TET2: variants seen among roughly 807,000 people sequenced by gnomAD.
TET2 encodes the protein methylcytosine dioxygenase TET2.
Under a neutral mutation model 142.9 loss-of-function variants are expected in TET2, and 299 were observed. The observed-to-expected ratio is 2.09, with a 90% CI of 1.90 to 2.30. The LOEUF is 2.30. Among genes scored for constraint, TET2 ranks in the 30% most tolerant of loss-of-function variants. TET2 has a pLI of 0.00. For synonymous variants in TET2, 819 were observed against 849.0 expected, an observed-to-expected ratio of 0.96 and a Z score of 0.61; for missense variants, 2,418 against 2,378.0, an observed-to-expected ratio of 1.02 and a Z score of -0.35.
intron 2 of TET2, among the ~76,000 whole-genome samples, chr4:105,222,176 C>G (rs539648330): frequency 2.6e-5 from 4 of 152,196 alleles, no homozygotes; most frequent in African/African-American, 9.6e-5. Flanking sequence ...AATAAACATA[C>G]GTGTGCATGT....
chr4:105,226,611 C>G (rs562935734), intron 2 of TET2, among the ~76,000 whole-genome samples: 6 of 151,148 alleles, frequency 4.0e-5, no homozygotes, highest in African/African-American at 9.7e-5. Flanking sequence ...CCCTCCCTCT[C>G]TCCTTCCCTC....
rs939113468 is a variant in TET2, at chr4:105,274,974, T to C, written c.4538-74T>C. ...GGAGTTTCTTACCTACATTTAAGTA[T>C]CCTCACTAGCCTTCATAAAATAATC... On this transcript the variant is annotated intron_variant, in intron 10 of 10. Transcript: ENST00000380013. The C allele has an allele frequency of 4.8e-5, 70 of 1,448,328 alleles. No homozygotes were observed. In the African/African-American group the frequency reaches 9.5e-4, roughly 20 times the overall value. 89.7% of individuals were successfully genotyped at this position (1,448,328 alleles called of 1,614,324 possible). A position where few individuals can be genotyped will look rare whatever the true frequency, so the allele number is the denominator to read the frequency against.
At chr4:105,190,572 C>A in intron 2 of TET2, 67 bp downstream of exon 2, 1 of 680,450 alleles carries the variant, frequency 1.5e-6, no homozygotes. Flanking sequence ...TAATGGTAAT[C>A]TCTCTCCCAA....
chr4:105,256,588 G>A (rs993894484), intron 6 of TET2, among the ~76,000 whole-genome samples: 1 of 152,118 alleles, frequency 6.6e-6, no homozygotes. Flanking sequence ...TTGGGTTTAT[G>A]TTACATGGAG....
At chr4:105,240,229 AAC>A in intron 3 of TET2, 1 of 455,204 alleles carries the variant, frequency 2.2e-6, no homozygotes, top group Non-Finnish European at 3.2e-6. Flanking sequence ...AGACATACTT[AAC>A]ACGTGGGATT....
intron 4 of TET2, 163 bp downstream of exon 4, chr4:105,241,592 CAG>C: frequency 2.9e-6 from 4 of 1,366,634 alleles, no homozygotes; most frequent in Non-Finnish European, 3.8e-6. Context: ...TGCTATTCAC[CAG>C]AGAGTCACAA....
chr4:105,215,397 G>A (rs1297873187), intron 2 of TET2, among the ~76,000 whole-genome samples: 1 of 152,056 alleles, frequency 6.6e-6, no homozygotes, highest in Non-Finnish European at 1.5e-5. Context: ...ATCAGTGAAA[G>A]AGCTTTTTAA....
intron 9 of TET2, among the ~76,000 whole-genome samples, chr4:105,271,444 A>C (rs184905898): frequency 6.7e-6 from 1 of 149,150 alleles, no homozygotes; most frequent in African/African-American, 2.4e-5. Context: ...GTTTAGAATC[A>C]AGAAGAATTT....
intron 6 of TET2, 79 bp from the exon 7 acceptor site, chr4:105,259,540 A>G (rs1382899030): frequency 1.5e-6 from 2 of 1,371,976 alleles, no homozygotes; most frequent in East Asian, 2.5e-5. Context: ...CTCATTTTGC[A>G]TATAGACACC....
intron 6 of TET2, among the ~76,000 whole-genome samples, chr4:105,257,257 G>C (rs1039385114): frequency 6.6e-6 from 1 of 152,138 alleles, no homozygotes; most frequent in African/African-American, 2.4e-5. Context: ...AGCATAGTGA[G>C]ACCCTGTCTC....
At chr4:105,252,769 T>A (rs953441734) in intron 6 of TET2, among the ~76,000 whole-genome samples, 1 of 152,190 alleles carries the variant, frequency 6.6e-6, no homozygotes, top group Non-Finnish European at 1.5e-5. Flanking sequence ...TAGTTCTGCA[T>A]TTTACATTTA....
At position 105,278,184 on chromosome 4, in the gene TET2, A is replaced by ATAT. The variant is rs1450437044; in HGVS notation, c.*1666_*1668dup. Reference sequence around the variant, plus strand: ...ATTAAATATATACATATATATATATATATATATATATATATATATGAGTTT... The same window carrying ATAT: ...ATTAAATATATACATATATATATATATATTATATATATATATATATATGAGTTT... On this transcript the variant is annotated 3_prime_UTR_variant, in exon 11 of 11. Transcript: ENST00000380013. The ATAT allele has an allele frequency of 1.9e-5, 3 of 155,972 alleles. No individual in the cohort carries two copies. Among genetic ancestry groups the ATAT allele is most frequent in the Admixed American group, 6.8e-5 (1 of 14,670 alleles). 9.7% of individuals were successfully genotyped at this position (155,972 alleles called of 1,614,324 possible).
At chr4:105,274,993 A>G (rs1056641306) in intron 10 of TET2, 55 bp from the exon 11 acceptor site, 1 of 1,459,542 alleles carries the variant, frequency 6.9e-7, no homozygotes. Flanking sequence ...GCCTTCATAA[A>G]ATAATCATCA....
intron 2 of TET2, among the ~76,000 whole-genome samples, chr4:105,230,245 T>C (rs956089992): frequency 2.6e-5 from 4 of 152,202 alleles, no homozygotes; most frequent in African/African-American, 7.2e-5. Context: ...GATTTCACCA[T>C]GTTGGCCAGG....
intron 2 of TET2, among the ~76,000 whole-genome samples, chr4:105,196,311 C>G (rs1330387112): frequency 6.6e-6 from 1 of 152,050 alleles, no homozygotes; most frequent in African/African-American, 2.4e-5. Context: ...GCTTCCCCCT[C>G]CCCACCTCAC....
Position 105,278,586 on chromosome 4 carries a change from A to G in TET2, c.*2067A>G. The G allele has an allele frequency of 4.3e-6, 1 of 232,066 alleles. No homozygotes were observed. Among genetic ancestry groups the G allele is most frequent in the East Asian group, 6.1e-5 (1 of 16,356 alleles). 14.4% of individuals were successfully genotyped at this position (232,066 alleles called of 1,614,324 possible). ...AAATATATTCTTTGTCAGGGATTTA[A>G]CCCTTTTATTTTGAATCCCTTCTAT... On this transcript the variant is annotated 3_prime_UTR_variant, in exon 11 of 11. Transcript: ENST00000380013.
chr4:105,213,576 T>C (rs1727296064), intron 2 of TET2, among the ~76,000 whole-genome samples: 1 of 152,214 alleles, frequency 6.6e-6, no homozygotes, highest in African/African-American at 2.4e-5. Flanking sequence ...GTTTTAAGTC[T>C]TTCTACAAAT....
chr4:105,157,942 G>T (rs1464730348), intron 1 of TET2, among the ~76,000 whole-genome samples: 2 of 152,138 alleles, frequency 1.3e-5, no homozygotes, highest in African/African-American at 4.8e-5. Context: ...TTCCTAAAGT[G>T]CTGGGATTAC....
chr4:105,161,768 C>T (rs1420215893), intron 1 of TET2, among the ~76,000 whole-genome samples: 1 of 152,190 alleles, frequency 6.6e-6, no homozygotes, highest in Non-Finnish European at 1.5e-5. Flanking sequence ...TAAACATTGA[C>T]TTATTCAATG....
Sources: allele counts gnomAD v4.1 joint callset (sites outside exome capture counted in the v4.1 genomes callset), GRCh38; gene constraint gnomAD v4.1.1; transcripts MANE v1.5; gene names NCBI Gene and HGNC (gene_info 2026-07-23, HGNC 2026-07-21).